EEF1A1: variants seen among roughly 807,000 people sequenced by gnomAD.
EEF1A1 encodes the protein eukaryotic translation elongation factor 1 alpha 1.
EEF1A1 carries 1 observed loss-of-function variant against 38.5 expected under a neutral mutation model. That is an observed-to-expected ratio of 0.03 (90% CI 0.01 to 0.12). The LOEUF (loss-of-function observed/expected upper bound fraction) is 0.12, where lower values mean the gene tolerates loss of function less well. Ranked by LOEUF, EEF1A1 falls within the 10% of genes least tolerant of loss-of-function variation. EEF1A1 has a pLI of 1.00. For synonymous variants in EEF1A1, 229 were observed against 203.7 expected, an observed-to-expected ratio of 1.12 and a Z score of -1.06; for missense variants, 184 against 588.3, an observed-to-expected ratio of 0.31 and a Z score of 7.11.
chr6:73,520,691 A>G (rs1765633541), intron 1 of EEF1A1: 1 of 152,296 alleles, frequency 6.6e-6, no homozygotes, highest in African/African-American at 2.4e-5. Context: ...ATCTTGCCAG[A>G]AAAAAAGCGT....
Position 73,517,725 on chromosome 6 carries a change from T to G in EEF1A1, c.*85A>C. The G allele has an allele frequency of 1.4e-6, 1 of 692,578 alleles. No homozygotes were observed. Among genetic ancestry groups the G allele is most frequent in the Admixed American group, 3.2e-5 (1 of 31,684 alleles). 42.9% of individuals were successfully genotyped at this position (692,578 alleles called of 1,614,324 possible). Reference sequence around the variant, plus strand: ...ATTAACCAGTCTTTTACTACTAAACTTAAATGGCCAATTGAAACAAACAGT... The same window carrying G: ...ATTAACCAGTCTTTTACTACTAAACGTAAATGGCCAATTGAAACAAACAGT... On this transcript the variant is annotated 3_prime_UTR_variant, in exon 8 of 8. Coordinates refer to ENST00000309268, the MANE Select transcript of EEF1A1 (RefSeq NM_001402.6).
In EEF1A1 at chr6:73,520,130, G is replaced by A. The variant is rs535841231; in HGVS notation, c.-30-74C>T. 2.7e-5 allele frequency: 38 copies of A among 1,413,252 alleles called. 1 individual carries two copies. The highest frequency in any genetic ancestry group is 2.6e-4 in the Middle Eastern group (1 of 3,842). The allele number at this position is 1,413,252 out of a possible 1,614,324, so 87.5% of individuals were successfully genotyped here. A position where few individuals can be genotyped will look rare whatever the true frequency, so the allele number is the denominator to read the frequency against. ...GAACCAAGATCCAAACTCAAAAAGGGCAAATTCCAAGGAGAATTACATCAA... is the reference window on the plus strand; with the variant it reads ...GAACCAAGATCCAAACTCAAAAAGGACAAATTCCAAGGAGAATTACATCAA... On this transcript the variant is annotated intron_variant, in intron 1 of 7. Transcript: ENST00000309268.
chr6:73,519,317 GAATT>G lies in EEF1A1; in HGVS notation c.324+16_324+19del, dbSNP rs749231086. The G allele has an allele frequency of 6.2e-6, 10 of 1,606,640 alleles. No homozygotes were observed. The East Asian group carries it at 1.8e-4, about 29-fold the overall frequency. Reference sequence around the variant, plus strand: ...AAGCCTTTTGGGATAAAGAAACCTAGAATTATTAATCCCACCAACCTGAGATGTC... The same window carrying G: ...AAGCCTTTTGGGATAAAGAAACCTAGATTAATCCCACCAACCTGAGATGTC... On this transcript the variant is annotated intron_variant, in intron 3 of 7. Coordinates refer to ENST00000309268, the MANE Select transcript of EEF1A1 (RefSeq NM_001402.6).
At position 73,517,819 on chromosome 6, in the gene EEF1A1, C is replaced by T. The variant is rs779793115; in HGVS notation, c.1380G>A (p.Lys460=). The T allele has an allele frequency of 4.5e-6, 7 of 1,560,216 alleles. No homozygotes were observed. Among genetic ancestry groups the T allele is most frequent in the Non-Finnish European group, 5.3e-6 (6 of 1,138,610 alleles). Residue 460 remains lysine (K), a synonymous_variant, in exon 8 of 8, where the codon AAG becomes AAA. Coordinates refer to ENST00000309268, the MANE Select transcript of EEF1A1 (RefSeq NM_001402.6). ...KVTKSAQKAQ[K]AK The stretch of plus-strand genomic sequence containing the variant: ...GTATTAGGGATAATATTCATTTAGC[C>T]TTCTGAGCTTTCTGGGCAGACTTGG...
At position 73,518,316 on chromosome 6, in the gene EEF1A1, A is replaced by G. The variant is rs747389797; in HGVS notation, c.1029+38T>C. ...CAAATCCAAAGTCTCAAATGACTTTAGCCTCTGCAATAAGTTAATGTTACT... is the reference window on the plus strand; with the variant it reads ...CAAATCCAAAGTCTCAAATGACTTTGGCCTCTGCAATAAGTTAATGTTACT... On this transcript the variant is annotated intron_variant, in intron 6 of 7. Transcript: ENST00000309268. The G allele has an allele frequency of 3.1e-6, 5 of 1,612,022 alleles. No individual in the cohort carries two copies. In the South Asian group the frequency reaches 5.5e-5, roughly 18 times the overall value.
intron 2 of EEF1A1, 129 bp downstream of exon 2, chr6:73,519,754 T>C (rs1765605529): frequency 3.6e-6 from 5 of 1,403,190 alleles, no homozygotes; most frequent in Non-Finnish European, 4.8e-6. Flanking sequence ...AGCAAAATTA[T>C]TTCATAAGTA....
intron 1 of EEF1A1, chr6:73,520,764 G>T (rs1374880597): frequency 6.6e-6 from 1 of 152,478 alleles, no homozygotes; most frequent in Admixed American, 6.5e-5. Flanking sequence ...AGACAGGCGC[G>T]AAGGTGCCAC....
Position 73,516,249 on chromosome 6 carries a change from T to C in EEF1A1, c.*1561A>G, listed in dbSNP as rs1488512242. ...TCAAGTACCTTTGAATCTTGAGCAATACACATTGCCAGTCACTTTAAGAGG... is the reference window on the plus strand; with the variant it reads ...TCAAGTACCTTTGAATCTTGAGCAACACACATTGCCAGTCACTTTAAGAGG... On this transcript the variant is annotated 3_prime_UTR_variant, in exon 8 of 8. Coordinates refer to ENST00000309268, the MANE Select transcript of EEF1A1 (RefSeq NM_001402.6). 6.6e-6 allele frequency: 1 copy of C among 152,202 alleles called. No individual in the cohort carries two copies. Among genetic ancestry groups the C allele is most frequent in the Non-Finnish European group, 1.5e-5 (1 of 68,044 alleles). The allele number at this position is 152,202 out of a possible 1,614,324, so 9.4% of individuals were successfully genotyped here.
rs1582714979 is a variant in EEF1A1 at position 73,519,731 on chromosome 6, A to G, written c.144+152T>C. 9 of 1,225,334 alleles carry G rather than the reference A, an allele frequency of 7.3e-6. No individual in the cohort carries two copies. The East Asian group carries it at 1.9e-4, about 26-fold the overall frequency. 75.9% of individuals were successfully genotyped at this position (1,225,334 alleles called of 1,614,324 possible). On this transcript the variant is annotated intron_variant, in intron 2 of 7. Transcript: ENST00000309268. ...ATCTACTCACTAGCAATACGATTAC[A>G]GAAGTCACCAAAAGCAAAATTATTT...
chr6:73,517,660 T>G lies in EEF1A1; in HGVS notation c.*150A>C, dbSNP rs1247132363. ...GAAAACCAAAGTGGTCCACAAAACA[T>G]TCTCCTTTCCTTCTGAAGGTTTTAC... is the stretch of plus-strand genomic sequence containing the variant. On this transcript the variant is annotated 3_prime_UTR_variant, in exon 8 of 8. Transcript: ENST00000309268. The G allele has an allele frequency of 6.4e-6, 3 of 465,142 alleles. No individual in the cohort carries two copies. The highest frequency in any genetic ancestry group is 1.1e-5 in the Non-Finnish European group (3 of 264,640). The allele number at this position is 465,142 out of a possible 1,614,324, so 28.8% of individuals were successfully genotyped here.
In EEF1A1 at chr6:73,516,182, GGAAAACGATAACAC is replaced by G. The variant is rs1163106730; in HGVS notation, c.*1614_*1627del. The G allele has an allele frequency of 2.0e-5, 3 of 151,878 alleles. No individual in the cohort carries two copies. The highest frequency in any genetic ancestry group is 4.4e-5 in the Non-Finnish European group (3 of 67,980). The allele number at this position is 151,878 out of a possible 1,614,324, so 9.4% of individuals were successfully genotyped here. A position where few individuals can be genotyped will look rare whatever the true frequency, so the allele number is the denominator to read the frequency against. On this transcript the variant is annotated 3_prime_UTR_variant, in exon 8 of 8. Transcript: ENST00000309268. ...TTTATCTAATTCAGACTCAGATGAG[GGAAAACGATAACAC>G]TTCATTACAGACTTGTCTATGGCCA...
rs772746899 is a variant in EEF1A1, at chr6:73,518,995, G to A, written c.558C>T (p.Asp186=). Residue 186 remains aspartate (D), a synonymous_variant, in exon 4 of 8, where the codon GAC becomes GAT. Transcript: ENST00000309268. ...TYIKKIGYNP[D]TVAFVPISGW... ...CAGAAATTGGCACAAATGCTACTGT[G>A]TCGGGGTTGTAGCCAATTTTCTTAA... is the stretch of plus-strand genomic sequence containing the variant. The A allele has an allele frequency of 1.3e-6, 2 of 1,594,868 alleles. No individual in the cohort carries two copies. The highest frequency in any genetic ancestry group is 4.5e-5 in the East Asian group (2 of 44,836).
chr6:73,520,068 G>C lies in EEF1A1; in HGVS notation c.-30-12C>G, dbSNP rs1561963592. ...AGTTTTCACGACACCTGAAATGGAA[G>C]AAAAAAACTTTGAACCACTGTCTGA... On this transcript the variant is annotated splice_polypyrimidine_tract_variant and intron_variant, in intron 1 of 7. Transcript: ENST00000309268. The C allele has an allele frequency of 6.4e-7, 1 of 1,573,056 alleles. No individual in the cohort carries two copies. Among genetic ancestry groups the C allele is most frequent in the Non-Finnish European group, 8.5e-7 (1 of 1,171,498 alleles).
chr6:73,517,557 A>G lies in EEF1A1; in HGVS notation c.*253T>C. The G allele has an allele frequency of 2.6e-6, 1 of 388,436 alleles. No homozygotes were observed. The highest frequency in any genetic ancestry group is 2.1e-5 in the African/African-American group (1 of 48,462). The allele number at this position is 388,436 out of a possible 1,614,324, so 24.1% of individuals were successfully genotyped here. ...TTAATGGGTCTCAAAATTCTGTGAC[A>G]AATTTTTGGTCAAGTTGTTTCCATT... On this transcript the variant is annotated 3_prime_UTR_variant, in exon 8 of 8. Coordinates refer to ENST00000309268, the MANE Select transcript of EEF1A1 (RefSeq NM_001402.6).
In EEF1A1 at chr6:73,519,029, C is replaced by T; in HGVS notation, c.524G>A (p.Ser175Asn). 6.2e-7 allele frequency: 1 copy of T among 1,607,884 alleles called. No individual in the cohort carries two copies. The highest frequency in any genetic ancestry group is 8.5e-7 in the Non-Finnish European group (1 of 1,175,360). ...GTAGCCAATTTTCTTAATGTAAGTG[C>T]TGACTTCCTTAACAATTTCCTCATA... ...KRYEEIVKEV[S>N]TYIKKIGYNP... The change falls in exon 4 of 8, where the codon AGC becomes AAC. Residue 175 changes from serine to asparagine, a missense_variant. By Grantham distance (46) the Ser-to-Asn change is conservative. Transcript: ENST00000309268.
rs201838097 is a variant in EEF1A1, at chr6:73,519,532, G to C, written c.145-16C>G. ...CCTTTCCCATCTGTAAGGATTAAGA[G>C]TCGTTACTTGGTTACTAAAACACAA... On this transcript the variant is annotated splice_polypyrimidine_tract_variant and intron_variant, in intron 2 of 7. Coordinates refer to ENST00000309268, the MANE Select transcript of EEF1A1 (RefSeq NM_001402.6). The C allele has an allele frequency of 3.2e-6, 5 of 1,577,878 alleles. No individual in the cohort carries two copies. The highest frequency in any genetic ancestry group is 2.7e-5 in the African/African-American group (2 of 74,366).
intron 5 of EEF1A1, 22 bp downstream of exon 5, chr6:73,518,676 A>G (rs1706707845): frequency 1.2e-6 from 2 of 1,608,258 alleles, no homozygotes; most frequent in African/African-American, 1.4e-5. Flanking sequence ...CTCAAATTCA[A>G]CTTTGTTTAC....
In EEF1A1 at chr6:73,518,381, T is replaced by C. The variant is rs141277092; in HGVS notation, c.1002A>G (p.Pro334=). 1.2e-6 allele frequency: 2 copies of C among 1,613,664 alleles called. No individual in the cohort carries two copies. Among genetic ancestry groups the C allele is most frequent in the African/African-American group, 2.7e-5 (2 of 74,936 alleles). ...GAGCAGTGAAGCCAGCTGCTTCCAT[T>C]GGTGGGTCATTTTTGCTGTCACCAG... ...NVAGDSKNDP[P]MEAAGFTAQV... is the part of the protein sequence containing the mutation. Residue 334 remains proline, a synonymous_variant, in exon 6 of 8, where the codon CCA becomes CCG. Coordinates refer to ENST00000309268, the MANE Select transcript of EEF1A1 (RefSeq NM_001402.6).
chr6:73,517,007 T>C lies in EEF1A1; in HGVS notation c.*803A>G, dbSNP rs980393686. On this transcript the variant is annotated 3_prime_UTR_variant, in exon 8 of 8. Coordinates refer to ENST00000309268, the MANE Select transcript of EEF1A1 (RefSeq NM_001402.6). The stretch of plus-strand genomic sequence containing the variant: ...TGTTCCTATTCTGAATAGCACTCAA[T>C]AGAACTTGTGAAACCATCAAACTGG... The C allele has an allele frequency of 3.3e-5, 5 of 152,218 alleles. No homozygotes were observed. The highest frequency in any genetic ancestry group is 5.9e-5 in the Non-Finnish European group (4 of 68,056). 9.4% of individuals were successfully genotyped at this position (152,218 alleles called of 1,614,324 possible).
Sources: gnomAD v4.1 joint callset for allele counts on GRCh38, gnomAD v4.1.1 for gene constraint, MANE v1.5 for transcripts, NCBI Gene and HGNC (gene_info 2026-07-23, HGNC 2026-07-21) for gene names.